The following STAT1 variants were observed in gnomAD, a reference collection of about 807,000 sequenced individuals.
The protein encoded by STAT1 is signal transducer and activator of transcription 1, also known as signal transducer and activator of transcription 1-alpha/beta.
A neutral mutation model predicts 111.7 loss-of-function variants in STAT1; 24 were observed. The ratio of observed to expected loss-of-function variants is 0.21; its 90% confidence interval spans 0.16 to 0.30. The LOEUF (loss-of-function observed/expected upper bound fraction) is 0.30, where lower values mean the gene tolerates loss of function less well. Ranked by LOEUF, STAT1 falls within the 10% of genes least tolerant of loss-of-function variation. STAT1 has a pLI of 1.00. For synonymous variants in STAT1, 332 were observed against 326.5 expected (o/e 1.02, Z -0.18); for missense variants, 351 against 911.9 (o/e 0.38, Z 7.92).
Position 190,997,875 on chromosome 2 carries a change from A to G in STAT1, c.766T>C (p.Leu256=). Residue 256 remains leucine, a synonymous_variant, in exon 9 of 25, where the codon TTG becomes CTG. Coordinates refer to ENST00000361099, the MANE Select transcript of STAT1 (RefSeq NM_007315.4). This position sits in a 1 kb window ranked among gnomAD's most constrained non-coding sequence, Gnocchi z 7.3. The part of the protein sequence containing the change: ...ACIGGPPNAC[L]DQLQNWFTIV... ...TCTTACCAGTTCTGCAGCTGATCCAAGCAAGCATTGGGCGGCCCCCCAATA... is the reference window on the plus strand; with the variant it reads ...TCTTACCAGTTCTGCAGCTGATCCAGGCAAGCATTGGGCGGCCCCCCAATA... 1.2e-6 allele frequency: 2 copies of G among 1,614,244 alleles called. No individual in the cohort carries two copies. The highest frequency in any genetic ancestry group is 2.2e-5 in the East Asian group (1 of 44,882).
rs986212030 is a variant in STAT1 at position 191,009,986 on chromosome 2, T to G, written c.18A>C (p.Glu6Asp). MSQWY[E>D]LQQLDSKFLE... is the part of the protein sequence containing the mutation. ...GGAATTTTGAGTCAAGCTGCTGAAG[T>G]TCGTACCACTGAGACATCCTATAGG... The change falls in exon 3 of 25, where the codon GAA becomes GAC. Residue 6 changes from glutamate to aspartate, a missense_variant. By Grantham distance (45) the Glu-to-Asp change is conservative. Around this residue, in one of 7 missense-constraint regions of STAT1, gnomAD observed 44 missense variants for 144.2 expected, o/e 0.31. Coordinates refer to ENST00000361099, the MANE Select transcript of STAT1 (RefSeq NM_007315.4). The G allele has an allele frequency of 1.2e-6, 2 of 1,613,914 alleles. No individual in the cohort carries two copies. The highest frequency in any genetic ancestry group is 1.7e-6 in the Non-Finnish European group (2 of 1,179,926).
Position 190,996,533 on chromosome 2 carries a change from AG to A in STAT1, c.786-1315del, listed in dbSNP as rs1461685178. ...CTACAAGAGGCTCCTGTGGTCTAGG[AG>A]GACCACTAGGGGGCTCTAAACACCC... On this transcript the variant is annotated intron_variant, in intron 9 of 24. Coordinates refer to ENST00000361099, the MANE Select transcript of STAT1 (RefSeq NM_007315.4). This position sits in a 1 kb window ranked among gnomAD's most constrained non-coding sequence, Gnocchi z 4.5. Among the ~76,000 whole-genome samples the A allele has an allele frequency of 2.0e-5, 3 of 152,146 alleles. No homozygotes were observed. Among genetic ancestry groups the A allele is most frequent in the Non-Finnish European group, 4.4e-5 (3 of 68,006 alleles).
In STAT1 at chr2:190,983,418, C is replaced by T. The variant is rs1482590081; in HGVS notation, c.1446+224G>A. On this transcript the variant is annotated intron_variant, in intron 17 of 24. Transcript: ENST00000361099. The surrounding 1 kb of genome is among the most constrained non-coding windows in gnomAD (Gnocchi z 5.7). The stretch of plus-strand genomic sequence containing the variant: ...ATAACAATAAAGTGGTATGGAATCA[C>T]TGACTGCCCTAGCTTACCCACATGG... 6.6e-6 allele frequency among the ~76,000 whole-genome samples: 1 copy of T among 152,212 alleles called. No homozygotes were observed.
At chr2:190,988,460 C>G (rs1411917354) in intron 12 of STAT1, among the ~76,000 whole-genome samples, 1 of 152,184 alleles carries the variant, frequency 6.6e-6, no homozygotes, top group Non-Finnish European at 1.5e-5. Context: ...CTCACTGCAA[C>G]CTCTGCCTCC....
At chr2:191,010,243 A>C in intron 2 of STAT1, 1 of 505,402 alleles carries the variant, frequency 2.0e-6, no homozygotes, top group Admixed American at 2.8e-5. Flanking sequence ...TATTGTCAAC[A>C]TATCAGGGCA....
At chr2:191,001,812 G>A (rs976626166) in intron 5 of STAT1, among the ~76,000 whole-genome samples, 1 of 152,132 alleles carries the variant, frequency 6.6e-6, no homozygotes, top group Non-Finnish European at 1.5e-5. Context: ...TACACCAGAT[G>A]TACCCTGCAC....
At chr2:191,013,435 C>T (rs1335464144) in intron 2 of STAT1, 90 bp downstream of exon 2, 6 of 391,092 alleles carry the variant, frequency 1.5e-5, no homozygotes, top group East Asian at 3.6e-5. Flanking sequence ...TCTAGGAAGA[C>T]ATTAAGCCCT....
chr2:190,970,596 T>G lies in STAT1; in HGVS notation c.*107A>C. 7.4e-7 allele frequency: 1 copy of G among 1,349,796 alleles called. No individual in the cohort carries two copies. Among genetic ancestry groups the G allele is most frequent in the Non-Finnish European group, 1.1e-6 (1 of 944,404 alleles). 83.6% of individuals were successfully genotyped at this position (1,349,796 alleles called of 1,614,324 possible). On this transcript the variant is annotated 3_prime_UTR_variant, in exon 25 of 25. Transcript: ENST00000361099. This position sits in a 1 kb window ranked among gnomAD's most constrained non-coding sequence, Gnocchi z 5.4. ...CAGGTTGCAGCGAATTTGCTGGCCT[T>G]TCTTTCATTTCCCTAGAAACACAGG... is the stretch of plus-strand genomic sequence containing the variant.
chr2:190,977,487 C>T lies in STAT1; in HGVS notation c.1874-462G>A, dbSNP rs1312161906. On this transcript the variant is annotated intron_variant, in intron 21 of 24. Coordinates refer to ENST00000361099, the MANE Select transcript of STAT1 (RefSeq NM_007315.4). This position sits in a 1 kb window ranked among gnomAD's most constrained non-coding sequence, Gnocchi z 4.7. Reference sequence around the variant, plus strand: ...TTATGATATATAGAAAACAACATTTCAAATTAAAAATGATCCTATTTGCTA... The same window carrying T: ...TTATGATATATAGAAAACAACATTTTAAATTAAAAATGATCCTATTTGCTA... Among the ~76,000 whole-genome samples the T allele has an allele frequency of 6.6e-6, 1 of 152,140 alleles. No homozygotes were observed. Among genetic ancestry groups the T allele is most frequent in the Non-Finnish European group, 1.5e-5 (1 of 68,028 alleles).
intron 1 of STAT1, 102 bp downstream of exon 1, chr2:191,013,916 C>CA (rs1695337795): frequency 8.3e-6 from 3 of 361,836 alleles, no homozygotes; most frequent in Non-Finnish European, 1.5e-5. Context: ...ATTCGCGGGT[C>CA]AGCACAGACG....
chr2:190,994,510 G>A (rs564829733), intron 10 of STAT1, among the ~76,000 whole-genome samples: 109 of 152,170 alleles, frequency 7.2e-4, no homozygotes, highest in Non-Finnish European at 1.3e-3. Flanking sequence ...GGGTCACGGC[G>A]GAGACTCAGC....
At chr2:191,013,391 G>C in intron 2 of STAT1, 134 bp downstream of exon 2, 1 of 272,310 alleles carries the variant, frequency 3.7e-6, no homozygotes, top group Admixed American at 8.8e-5. Flanking sequence ...TTTTGGGGTG[G>C]GGGGTCTGCA....
In STAT1 at chr2:191,001,134, C is replaced by A; in HGVS notation, c.402G>T (p.Val134=). ...CAAGCTCTTTCTGTTTGTCTAACAT[C>A]ACTGTGCTCTGAATATTCCCCGACT... ...QAQSGNIQST[V]MLDKQKELDS... The change falls in exon 6 of 25, where the codon GTG becomes GTT. Residue 134 remains valine, a synonymous_variant. Coordinates refer to ENST00000361099, the MANE Select transcript of STAT1 (RefSeq NM_007315.4). The A allele has an allele frequency of 6.2e-7, 1 of 1,614,084 alleles. No homozygotes were observed.
Position 190,979,152 on chromosome 2 carries a change from C to CT in STAT1, c.1728-152dup. The CT allele has an allele frequency of 2.8e-6, 3 of 1,055,438 alleles. No homozygotes were observed. Among genetic ancestry groups the CT allele is most frequent in the Non-Finnish European group, 2.8e-6 (2 of 709,392 alleles). 65.4% of individuals were successfully genotyped at this position (1,055,438 alleles called of 1,614,324 possible). A position where few individuals can be genotyped will look rare whatever the true frequency, so the allele number is the denominator to read the frequency against. The stretch of plus-strand genomic sequence containing the variant: ...TATTTTAAAATCTGTTCAGTTGACA[C>CT]TTAAGGAAGCATTTCACTTATACAT... On this transcript the variant is annotated intron_variant, in intron 20 of 24. Transcript: ENST00000361099. This position sits in a 1 kb window ranked among gnomAD's most constrained non-coding sequence, Gnocchi z 5.8.
rs192215679 is a variant in STAT1, at chr2:191,008,591, C to T, written c.273+372G>A. 9.2e-5 allele frequency among the ~76,000 whole-genome samples: 14 copies of T among 152,312 alleles called. 1 individual carries two copies. The highest frequency in any genetic ancestry group is 5.2e-4 in the Admixed American group (8 of 15,302). On this transcript the variant is annotated intron_variant, in intron 4 of 24. Coordinates refer to ENST00000361099, the MANE Select transcript of STAT1 (RefSeq NM_007315.4). ...TGCATAGCAAGGACCTGAACCTAAC[C>T]ACTAATGTTCCCTGGAGCTTTAATG...
chr2:190,979,916 C>A lies in STAT1; in HGVS notation c.1633-50G>T. 8.0e-7 allele frequency: 1 copy of A among 1,253,330 alleles called. No individual in the cohort carries two copies. Among genetic ancestry groups the A allele is most frequent in the African/African-American group, 1.5e-5 (1 of 67,858 alleles). The allele number at this position is 1,253,330 out of a possible 1,614,324, so 77.6% of individuals were successfully genotyped here. On this transcript the variant is annotated intron_variant, in intron 19 of 24. Coordinates refer to ENST00000361099, the MANE Select transcript of STAT1 (RefSeq NM_007315.4). The surrounding 1 kb of genome is among the most constrained non-coding windows in gnomAD (Gnocchi z 5.8). ...TATGAACAAAAATCTAAAACAATGA[C>A]TTACCATGGCCCCTCCCACCATCAT... is the stretch of plus-strand genomic sequence containing the variant.
chr2:191,006,321 C>T lies in STAT1; in HGVS notation c.372+1242G>A, dbSNP rs1220500158. On this transcript the variant is annotated intron_variant, in intron 5 of 24. Coordinates refer to ENST00000361099, the MANE Select transcript of STAT1 (RefSeq NM_007315.4). The surrounding 1 kb of genome is among the most constrained non-coding windows in gnomAD (Gnocchi z 4.6). ...GCTTCTCCTCCAGCGTTGATATACA[C>T]CTTTGTTCCCTAGGCTGGGTACCAG... Among the ~76,000 whole-genome samples, 3 of 152,194 alleles carry T rather than the reference C, an allele frequency of 2.0e-5. No individual in the cohort carries two copies. Among genetic ancestry groups the T allele is most frequent in the Non-Finnish European group, 4.4e-5 (3 of 68,028 alleles).
chr2:190,994,183 A>G (rs986842579), intron 10 of STAT1, among the ~76,000 whole-genome samples: 4 of 152,170 alleles, frequency 2.6e-5, no homozygotes, highest in Non-Finnish European at 4.4e-5. Flanking sequence ...AGCCACAGAA[A>G]AGCAAGTATG....
Position 191,011,109 on chromosome 2 carries a change from C to T in STAT1, c.-1-1105G>A, listed in dbSNP as rs184502704. ...GCACATGTATGCAGGCATGAGGTCA[C>T]GCCTACTCCACAAATGTCCTTCCAA... On this transcript the variant is annotated intron_variant, in intron 2 of 24. Transcript: ENST00000361099. Among the ~76,000 whole-genome samples, 8 of 152,280 alleles carry T rather than the reference C, an allele frequency of 5.3e-5. No individual in the cohort carries two copies. In the South Asian group the frequency reaches 6.2e-4, roughly 12 times the overall value.
Sources: allele counts gnomAD v4.1 joint callset (sites outside exome capture counted in the v4.1 genomes callset), GRCh38; gene constraint gnomAD v4.1.1; regional missense constraint gnomAD v4.1.1; non-coding constraint Gnocchi (gnomAD v3.1); transcripts MANE v1.5; gene names NCBI Gene and HGNC (gene_info 2026-07-23, HGNC 2026-07-21).